The following PTPRG variants were observed in gnomAD, a reference collection of about 807,000 sequenced individuals.
PTPRG encodes protein tyrosine phosphatase receptor type G.
PTPRG carries 102 observed loss-of-function variants against 165.3 expected under a neutral mutation model. The ratio of observed to expected loss-of-function variants is 0.62; its 90% confidence interval spans 0.53 to 0.73. PTPRG has a LOEUF of 0.73. PTPRG is among the 30% of genes least tolerant of loss of function. The pLI is 0.00. For missense variants in PTPRG, 1,866 were observed against 1,861.4 expected (o/e 1.00, Z -0.05); for synonymous variants, 675 against 669.5 (o/e 1.01, Z -0.13).
rs1203011367 is a variant in PTPRG, at chr3:62,217,107, C to T, written c.2156-1744C>T. ...TACTATCTGATGTACTGATGTGTCC[C>T]CATCCCCTCGCACCAGGCCTGTGCA... is the stretch of plus-strand genomic sequence containing the variant. On this transcript the variant is annotated intron_variant, in intron 12 of 29. Transcript: ENST00000474889. This position sits in a 1 kb window ranked among gnomAD's most constrained non-coding sequence, Gnocchi z 4.3. Among the ~76,000 whole-genome samples, 1 of 152,206 alleles carries T rather than the reference C, an allele frequency of 6.6e-6. No individual in the cohort carries two copies. The highest frequency in any genetic ancestry group is 1.5e-5 in the Non-Finnish European group (1 of 68,044).
intron 3 of PTPRG, among the ~76,000 whole-genome samples, chr3:61,997,257 C>G (rs888782356): frequency 1.3e-5 from 2 of 152,166 alleles, no homozygotes; most frequent in Non-Finnish European, 2.9e-5. Context: ...CCTCCCAGGC[C>G]TTCTCCACAG....
chr3:61,895,581 C>T (rs1170312936), intron 2 of PTPRG, among the ~76,000 whole-genome samples: 1 of 152,132 alleles, frequency 6.6e-6, no homozygotes, highest in East Asian at 1.9e-4. Flanking sequence ...ACAGAGTAGG[C>T]CACCTTTTGA....
At chr3:61,650,809 G>C (rs374166385) in intron 1 of PTPRG, among the ~76,000 whole-genome samples, 2 of 152,194 alleles carry the variant, frequency 1.3e-5, no homozygotes, top group East Asian at 3.9e-4. Context: ...GAGTTTTTTG[G>C]TGAAATGTGT....
At chr3:62,179,007 C>G (rs934883372) in intron 8 of PTPRG, among the ~76,000 whole-genome samples, 4 of 152,210 alleles carry the variant, frequency 2.6e-5, no homozygotes, top group Non-Finnish European at 5.9e-5. Flanking sequence ...GTGTGCCTCT[C>G]ATTGGAGCCA....
chr3:62,218,745 C>T (rs1700574495), intron 12 of PTPRG, 106 bp from the exon 13 acceptor site: 1 of 1,418,426 alleles, frequency 7.1e-7, no homozygotes, highest in Non-Finnish European at 9.6e-7. Context: ...GAGCAAATGG[C>T]CCAGTTCGCC....
At chr3:61,685,594 C>T (rs1703598809) in intron 1 of PTPRG, among the ~76,000 whole-genome samples, 1 of 152,186 alleles carries the variant, frequency 6.6e-6, no homozygotes, top group Non-Finnish European at 1.5e-5. Flanking sequence ...AAGAGCTTTG[C>T]CTTGACACAA....
chr3:61,771,270 G>A (rs2034199347), intron 2 of PTPRG: 1 of 151,784 alleles, frequency 6.6e-6, no homozygotes, highest in South Asian at 2.1e-4. Flanking sequence ...AATCTGCCAA[G>A]TTTCTTACTC....
chr3:61,745,755 A>G (rs2106901068), intron 1 of PTPRG, among the ~76,000 whole-genome samples: 1 of 152,284 alleles, frequency 6.6e-6, no homozygotes. Context: ...AGTCCAAGGC[A>G]TAGGGTTGGT....
At chr3:61,645,992 A>G (rs1702190616) in intron 1 of PTPRG, among the ~76,000 whole-genome samples, 1 of 152,236 alleles carries the variant, frequency 6.6e-6, no homozygotes, top group South Asian at 2.1e-4. Context: ...TACTATGTGC[A>G]GAGGCCATAA....
chr3:61,726,331 T>C (rs954697279), intron 1 of PTPRG, among the ~76,000 whole-genome samples: 1 of 152,180 alleles, frequency 6.6e-6, no homozygotes, highest in African/African-American at 2.4e-5. Flanking sequence ...CTTTTCAGCA[T>C]TGATAGAGAG....
At chr3:62,279,131 A>C (rs1252850730) in intron 26 of PTPRG, among the ~76,000 whole-genome samples, 1 of 152,014 alleles carries the variant, frequency 6.6e-6, no homozygotes, top group Non-Finnish European at 1.5e-5. Flanking sequence ...CTAAAGATTG[A>C]TATCTCTGAG....
At position 62,255,185 on chromosome 3, in the gene PTPRG, T is replaced by A; in HGVS notation, c.2529T>A (p.Asn843Lys). 1 of 1,613,178 alleles carries A rather than the reference T, an allele frequency of 6.2e-7. No individual in the cohort carries two copies. The highest frequency in any genetic ancestry group is 8.5e-7 in the Non-Finnish European group (1 of 1,179,486). ...AACACATCGGTGAGCTCTATTCTAATAACCAGCATGGGTTCTCTGAGGATT... is the reference window on the plus strand; with the variant it reads ...AACACATCGGTGAGCTCTATTCTAAAAACCAGCATGGGTTCTCTGAGGATT... The part of the protein sequence containing the change: ...FVKHIGELYS[N>K]NQHGFSEDFE... Residue 843 changes from asparagine (N) to lysine (K), a missense_variant, in exon 16 of 30, where the codon AAT becomes AAA. Asn to Lys is a moderately conservative substitution (Grantham distance 94, BLOSUM62 0). Transcript: ENST00000474889. This position sits in a 1 kb window ranked among gnomAD's most constrained non-coding sequence, Gnocchi z 4.0.
intron 7 of PTPRG, among the ~76,000 whole-genome samples, chr3:62,167,395 A>G (rs1705031976): frequency 1.3e-5 from 2 of 152,226 alleles, no homozygotes; most frequent in African/African-American, 4.8e-5. Flanking sequence ...TGAAGCTCTT[A>G]TGATATACTA....
chr3:61,999,168 G>A (rs1386406321), intron 3 of PTPRG, among the ~76,000 whole-genome samples: 1 of 151,968 alleles, frequency 6.6e-6, no homozygotes, highest in African/African-American at 2.4e-5. Flanking sequence ...GCCTCAGCCT[G>A]CCAAGTAGCT....
At chr3:62,021,311 G>C (rs2041684518) in intron 4 of PTPRG, among the ~76,000 whole-genome samples, 1 of 152,122 alleles carries the variant, frequency 6.6e-6, no homozygotes, top group Non-Finnish European at 1.5e-5. Flanking sequence ...ATATATCTGG[G>C]ATAAACTTAG....
intron 3 of PTPRG, among the ~76,000 whole-genome samples, chr3:61,995,682 G>GCCCT (rs1456708235): frequency 1.4e-5 from 1 of 72,722 alleles, no homozygotes. Context: ...CTGCCCGCCC[G>GCCCT]CCTTCCTTCC....
At chr3:61,880,002 A>T (rs577389293) in intron 2 of PTPRG, among the ~76,000 whole-genome samples, 1 of 152,344 alleles carries the variant, frequency 6.6e-6, no homozygotes, top group East Asian at 1.9e-4. Flanking sequence ...TTCAAAAATG[A>T]CCTAGTGATG....
At chr3:61,662,010 C>T (rs1702682113) in intron 1 of PTPRG, among the ~76,000 whole-genome samples, 1 of 152,164 alleles carries the variant, frequency 6.6e-6, no homozygotes, top group African/African-American at 2.4e-5. Flanking sequence ...CACTGGTTAG[C>T]ACACTAACAA....
chr3:62,003,783 G>C (rs74778200), intron 4 of PTPRG, among the ~76,000 whole-genome samples: 1,650 of 152,270 alleles, frequency 0.011, 17 homozygotes, highest in Non-Finnish European at 0.017. Context: ...TCTTTTCACT[G>C]TCTGTTCCCA....
Sources: gnomAD v4.1 joint callset for allele counts (sites outside exome capture counted in the v4.1 genomes callset) on GRCh38, gnomAD v4.1.1 for gene constraint, Gnocchi (gnomAD v3.1) non-coding constraint, MANE v1.5 for transcripts, NCBI Gene and HGNC (gene_info 2026-07-23, HGNC 2026-07-21) for gene names.